The following PTPRD variants were observed in gnomAD, a reference collection of about 807,000 sequenced individuals.
PTPRD encodes protein tyrosine phosphatase receptor type D, also known as receptor-type tyrosine-protein phosphatase delta.
A neutral mutation model predicts 214.5 loss-of-function variants in PTPRD; 34 were observed. The observed-to-expected ratio is 0.16, with a 90% CI of 0.12 to 0.21. PTPRD has a LOEUF of 0.21. Among genes scored for constraint, PTPRD ranks in the 10% least tolerant of loss-of-function variants. PTPRD has a pLI of 1.00. For missense variants in PTPRD, 2,545 were observed against 2,398.7 expected, an observed-to-expected ratio of 1.06 and a Z score of -1.27; for synonymous variants, 1,128 against 845.7, an observed-to-expected ratio of 1.33 and a Z score of -5.79.
chr9:9,459,109 G>C (rs918788146), intron 8 of PTPRD, among the ~76,000 whole-genome samples: 5 of 152,102 alleles, frequency 3.3e-5, no homozygotes, highest in African/African-American at 1.2e-4. Flanking sequence ...GTGGATGCCT[G>C]AGAAACTCAA....
chr9:8,970,379 GA>G (rs1485669630), intron 11 of PTPRD, among the ~76,000 whole-genome samples: 2 of 151,768 alleles, frequency 1.3e-5, no homozygotes, highest in Non-Finnish European at 2.9e-5. Flanking sequence ...TGAATAACCA[GA>G]AAGAAACTTG....
At chr9:9,380,202 T>A (rs185746674) in intron 9 of PTPRD, among the ~76,000 whole-genome samples, 1 of 152,190 alleles carries the variant, frequency 6.6e-6, no homozygotes, top group East Asian at 1.9e-4. Flanking sequence ...ACTGAGAGTT[T>A]TAATCATGCT....
intron 19 of PTPRD, among the ~76,000 whole-genome samples, chr9:8,523,196 A>G (rs1324521504): frequency 6.6e-6 from 1 of 152,172 alleles, no homozygotes; most frequent in Non-Finnish European, 1.5e-5. Flanking sequence ...CATCCTTATA[A>G]GACAGAAATT....
chr9:10,294,689 G>C (rs2095624827), intron 3 of PTPRD, among the ~76,000 whole-genome samples: 1 of 151,880 alleles, frequency 6.6e-6, no homozygotes, highest in South Asian at 2.1e-4. Flanking sequence ...TAAGCAAATA[G>C]GCTCAGAATT....
intron 3 of PTPRD, among the ~76,000 whole-genome samples, chr9:10,045,200 T>G (rs2097366539): frequency 6.6e-6 from 1 of 151,798 alleles, no homozygotes; most frequent in Admixed American, 6.6e-5. Context: ...TTGGCCAAAG[T>G]AGTATCCCTT....
intron 9 of PTPRD, among the ~76,000 whole-genome samples, chr9:9,382,852 A>G (rs930858069): frequency 2.6e-5 from 4 of 152,102 alleles, no homozygotes; most frequent in African/African-American, 9.7e-5. Flanking sequence ...TCTACCTCCC[A>G]TGTTCATTGC....
chr9:9,756,590 A>G (rs2098583346), intron 6 of PTPRD, among the ~76,000 whole-genome samples: 2 of 152,114 alleles, frequency 1.3e-5, no homozygotes, highest in Non-Finnish European at 2.9e-5. Context: ...GGAATGGGGA[A>G]CAACTGTTTA....
intron 11 of PTPRD, among the ~76,000 whole-genome samples, chr9:8,937,861 T>A (rs961335265): frequency 1.3e-5 from 2 of 152,192 alleles, no homozygotes; most frequent in Non-Finnish European, 2.9e-5. Context: ...GATTCCCTGA[T>A]TCAAAGTATA....
chr9:9,142,881 G>A (rs2099862642), intron 10 of PTPRD, among the ~76,000 whole-genome samples: 1 of 152,014 alleles, frequency 6.6e-6, no homozygotes. Context: ...ATATTGTTGG[G>A]CTTCCTGGTC....
chr9:8,514,520 A>G (rs2097748977), intron 21 of PTPRD, among the ~76,000 whole-genome samples: 1 of 147,476 alleles, frequency 6.8e-6, no homozygotes. Context: ...TTTTAGATAA[A>G]CTTAGTTTTT....
chr9:10,364,549 T>C (rs769105044), intron 2 of PTPRD, among the ~76,000 whole-genome samples: 2 of 152,208 alleles, frequency 1.3e-5, no homozygotes, highest in Non-Finnish European at 2.9e-5. Context: ...CTTTATGCAT[T>C]TCTTAGAAAA....
intron 14 of PTPRD, among the ~76,000 whole-genome samples, chr9:8,535,702 T>A (rs111542878): frequency 1.2e-4 from 18 of 152,026 alleles, no homozygotes; most frequent in African/African-American, 4.3e-4. Flanking sequence ...AAAAAGATGA[T>A]GCCAAGAAGT....
chr9:10,513,339 G>C (rs2048928593), intron 2 of PTPRD, among the ~76,000 whole-genome samples: 1 of 152,098 alleles, frequency 6.6e-6, no homozygotes, highest in Non-Finnish European at 1.5e-5. Flanking sequence ...AGTTTTTCTT[G>C]TGAGACACTC....
intron 12 of PTPRD, among the ~76,000 whole-genome samples, chr9:8,661,037 T>C (rs1307309788): frequency 1.3e-5 from 2 of 152,102 alleles, no homozygotes; most frequent in African/African-American, 4.8e-5. Flanking sequence ...TTGCAGATGA[T>C]GAATCTGAGG....
chr9:8,725,883 G>C (rs147883778), intron 12 of PTPRD, among the ~76,000 whole-genome samples: 2,079 of 152,242 alleles, frequency 0.014, 17 homozygotes, highest in Middle Eastern at 0.031. Context: ...CAAAGTCTGA[G>C]AAGATTGCTT....
chr9:9,102,855 G>A (rs922874379), intron 10 of PTPRD, among the ~76,000 whole-genome samples: 1 of 152,060 alleles, frequency 6.6e-6, no homozygotes, highest in African/African-American at 2.4e-5. Flanking sequence ...AACAACAAAA[G>A]CAAAATTTGT....
intron 12 of PTPRD, among the ~76,000 whole-genome samples, chr9:8,641,621 G>A (rs1033315699): frequency 1.5e-5 from 2 of 133,272 alleles, no homozygotes; most frequent in African/African-American, 8.2e-5. Flanking sequence ...AGACATGGCC[G>A]ATATTCTAGA....
Position 8,499,787 on chromosome 9 carries a change from C to T in PTPRD, c.2182G>A (p.Val728Ile), listed in dbSNP as rs2097354104. 1.9e-6 allele frequency: 3 copies of T among 1,613,876 alleles called. No homozygotes were observed. The highest frequency in any genetic ancestry group is 2.5e-6 in the Non-Finnish European group (3 of 1,179,886). ...ACGGGTGAGCGCCATGAGACTTTAACAGATGTTGAGTTGACAGCCTCTACC... is the reference window on the plus strand; with the variant it reads ...ACGGGTGAGCGCCATGAGACTTTAATAGATGTTGAGTTGACAGCCTCTACC... ...VEVEAVNSTS[V>I]KVSWRSPVPN... is the part of the protein sequence containing the mutation. The change falls in exon 25 of 46, where the codon GTT becomes ATT. Residue 728 changes from valine to isoleucine, a missense_variant. By Grantham distance (29) the Val-to-Ile change is conservative. Transcript: ENST00000381196.
chr9:10,125,207 A>G (rs1247182274), intron 3 of PTPRD, among the ~76,000 whole-genome samples: 3 of 151,664 alleles, frequency 2.0e-5, no homozygotes, highest in Non-Finnish European at 4.4e-5. Context: ...ATAATCAATT[A>G]CCTTTATTAA....
Sources: gnomAD v4.1 joint callset for allele counts (sites outside exome capture counted in the v4.1 genomes callset) on GRCh38, gnomAD v4.1.1 for gene constraint, MANE v1.5 for transcripts, NCBI Gene and HGNC (gene_info 2026-07-23, HGNC 2026-07-21) for gene names.